Variants in MYO5B observed in about 807,000 individuals in gnomAD.
The protein encoded by MYO5B is myosin VB.
Under a neutral mutation model 229.3 loss-of-function variants are expected in MYO5B, and 143 were observed. That is an observed-to-expected ratio of 0.62 (90% CI 0.54 to 0.72). The LOEUF is 0.72. Among genes scored for constraint, MYO5B ranks in the 30% least tolerant of loss-of-function variants. MYO5B has a pLI of 0.00. For synonymous variants in MYO5B, 918 were observed against 885.2 expected (o/e 1.04, Z -0.66); for missense variants, 2,321 against 2,331.0 (o/e 1.00, Z 0.09).
chr18:50,038,559 C>T (rs2029906095), intron 3 of MYO5B, among the ~76,000 whole-genome samples: 1 of 152,194 alleles, frequency 6.6e-6, no homozygotes, highest in African/African-American at 2.4e-5. Context: ...CTATAAGATT[C>T]TAATTCACGT....
chr18:49,996,600 T>C (rs1012328930), intron 5 of MYO5B, among the ~76,000 whole-genome samples: 79 of 152,326 alleles, frequency 5.2e-4, no homozygotes, highest in African/African-American at 1.8e-3. Context: ...TTTCGATGCA[T>C]ACAGAAATAC....
At chr18:50,194,739 G>T in intron 1 of MYO5B, 28 bp downstream of exon 1, 2 of 1,459,828 alleles carry the variant, frequency 1.4e-6, no homozygotes, top group Non-Finnish European at 9.1e-7. Context: ...CCCCGGCCCC[G>T]GGGCGCCTCC....
rs1387700406 is a variant in MYO5B at position 50,029,486 on chromosome 18, A to G, written c.455+7364T>C. 2.0e-5 allele frequency among the ~76,000 whole-genome samples: 3 copies of G among 152,344 alleles called. No individual in the cohort carries two copies. The East Asian group carries it at 5.8e-4, about 29-fold the overall frequency. Reference sequence around the variant, plus strand: ...CCTGACTTGAAATTATATTGAAAGGAAAGAAAAGTTCACCCAAAATTCAGG... The same window carrying G: ...CCTGACTTGAAATTATATTGAAAGGGAAGAAAAGTTCACCCAAAATTCAGG... On this transcript the variant is annotated intron_variant, in intron 4 of 39. Coordinates refer to ENST00000285039, the MANE Select transcript of MYO5B (RefSeq NM_001080467.3).
chr18:49,992,469 G>A lies in MYO5B; in HGVS notation c.613-38C>T, dbSNP rs1485479588. ...GACAGACAAAGGTATGAAAAAAAAA[G>A]AGGGCTTTCTTGATTTCAGGATTGT... On this transcript the variant is annotated intron_variant, in intron 5 of 39. Coordinates refer to ENST00000285039, the MANE Select transcript of MYO5B (RefSeq NM_001080467.3). 9.3e-6 allele frequency: 15 copies of A among 1,613,536 alleles called. No homozygotes were observed. The Middle Eastern group carries it at 6.6e-4, about 71-fold the overall frequency.
At chr18:49,947,500 A>G (rs1253187352) in intron 14 of MYO5B, among the ~76,000 whole-genome samples, 1 of 152,226 alleles carries the variant, frequency 6.6e-6, no homozygotes, top group Non-Finnish European at 1.5e-5. Flanking sequence ...TAATTGACGC[A>G]TAATAACTGT....
chr18:49,888,113 T>C (rs2024665939), intron 22 of MYO5B, among the ~76,000 whole-genome samples: 1 of 152,132 alleles, frequency 6.6e-6, no homozygotes, highest in Admixed American at 6.5e-5. Context: ...TGTAGCAGCT[T>C]CCTATAAAGC....
intron 33 of MYO5B, among the ~76,000 whole-genome samples, chr18:49,844,573 C>T (rs933678708): frequency 6.6e-6 from 1 of 152,210 alleles, no homozygotes; most frequent in Non-Finnish European, 1.5e-5. Context: ...ATTGTCCCTG[C>T]TCCAACGCAT....
intron 1 of MYO5B, among the ~76,000 whole-genome samples, chr18:50,129,829 G>A (rs375996906): frequency 6.6e-4 from 100 of 152,204 alleles, no homozygotes; most frequent in African/African-American, 2.3e-3. Context: ...AGGAGCCTCC[G>A]CCAACAAGAA....
chr18:49,975,420 G>A (rs990171599), intron 9 of MYO5B, among the ~76,000 whole-genome samples: 1 of 152,168 alleles, frequency 6.6e-6, no homozygotes, highest in African/African-American at 2.4e-5. Flanking sequence ...TGGGTGAGAG[G>A]CTGAAACGCA....
chr18:50,082,696 A>C (rs1026787167), intron 1 of MYO5B, among the ~76,000 whole-genome samples: 1 of 152,206 alleles, frequency 6.6e-6, no homozygotes, highest in Non-Finnish European at 1.5e-5. Context: ...AGCTAAGACC[A>C]TTAGACAACG....
At chr18:50,000,783 T>C (rs1260659523) in intron 5 of MYO5B, among the ~76,000 whole-genome samples, 1 of 152,166 alleles carries the variant, frequency 6.6e-6, no homozygotes, top group African/African-American at 2.4e-5. Flanking sequence ...ATCACATACC[T>C]TTTGGCTTTA....
intron 4 of MYO5B, among the ~76,000 whole-genome samples, chr18:50,022,540 A>G (rs1310403373): frequency 6.6e-6 from 1 of 152,220 alleles, no homozygotes; most frequent in Non-Finnish European, 1.5e-5. Flanking sequence ...GACAAATGCC[A>G]CAGAGTTCAA....
chr18:49,968,538 CCTTAT>C (rs1303776560), intron 10 of MYO5B, among the ~76,000 whole-genome samples: 1 of 152,086 alleles, frequency 6.6e-6, no homozygotes, highest in East Asian at 1.9e-4. Context: ...GGGTGATTAC[CCTTAT>C]CTTGTCTCCT....
intron 1 of MYO5B, among the ~76,000 whole-genome samples, chr18:50,159,622 C>G (rs1232376675): frequency 6.6e-6 from 1 of 152,176 alleles, no homozygotes; most frequent in South Asian, 2.1e-4. Flanking sequence ...AATCCTCCCC[C>G]ACAGACTTGT....
intron 18 of MYO5B, among the ~76,000 whole-genome samples, chr18:49,907,230 G>A (rs941638681): frequency 3.3e-5 from 5 of 152,166 alleles, no homozygotes; most frequent in African/African-American, 1.2e-4. Flanking sequence ...CATAAAATTG[G>A]GGTGAGAGCC....
intron 29 of MYO5B, among the ~76,000 whole-genome samples, chr18:49,858,171 C>A (rs1217604): frequency 3.9e-5 from 6 of 152,026 alleles, no homozygotes; most frequent in Non-Finnish European, 7.4e-5. Context: ...AGTGGGGGTC[C>A]GATGTGCCTC....
chr18:50,159,503 G>A (rs1159639104), intron 1 of MYO5B, among the ~76,000 whole-genome samples: 2 of 152,106 alleles, frequency 1.3e-5, no homozygotes, highest in South Asian at 2.1e-4. Context: ...AGTCACCCAC[G>A]GGAGAGCAGT....
chr18:49,923,692 T>C (rs1390766853), intron 17 of MYO5B, among the ~76,000 whole-genome samples: 1 of 152,222 alleles, frequency 6.6e-6, no homozygotes, highest in Non-Finnish European at 1.5e-5. Flanking sequence ...AGCTCCTCCC[T>C]AACGTTCTCC....
At chr18:50,088,578 C>T (rs1313756980) in intron 1 of MYO5B, among the ~76,000 whole-genome samples, 1 of 152,156 alleles carries the variant, frequency 6.6e-6, no homozygotes, top group Middle Eastern at 3.2e-3. Flanking sequence ...TTTGACATAT[C>T]CTTTTGCACA....
Sources: allele counts gnomAD v4.1 joint callset (sites outside exome capture counted in the v4.1 genomes callset), GRCh38; gene constraint gnomAD v4.1.1; transcripts MANE v1.5; gene names NCBI Gene and HGNC (gene_info 2026-07-23, HGNC 2026-07-21).